The following CASK variants were observed in gnomAD, a reference collection of about 807,000 sequenced individuals.
The protein encoded by CASK is peripheral plasma membrane protein CASK.
A neutral mutation model predicts 82.9 loss-of-function variants in CASK; 4 were observed. The observed-to-expected ratio is 0.05, with a 90% CI of 0.02 to 0.11. The LOEUF (loss-of-function observed/expected upper bound fraction) is 0.11, where lower values mean the gene tolerates loss of function less well. Among genes scored for constraint, CASK ranks in the 10% least tolerant of loss-of-function variants. The pLI, the probability that CASK is intolerant of heterozygous loss-of-function variation, is 1.00. For missense variants in CASK, 358 were observed against 720.9 expected (o/e 0.50, Z 5.76); for synonymous variants, 259 against 253.5 (o/e 1.02, Z -0.20).
At chrX:41,598,218 G>A (rs2065848856) in intron 12 of CASK, among the ~76,000 whole-genome samples, 1 of 111,583 alleles carries the variant, frequency 9.0e-6, no homozygotes, top group African/African-American at 3.3e-5. Context: ...CAAGCTTGGA[G>A]AAGAGCAGTG....
intron 25 of CASK, among the ~76,000 whole-genome samples, chrX:41,529,847 G>A (rs923366939): frequency 3.6e-5 from 4 of 112,018 alleles, no homozygotes; most frequent in Admixed American, 1.9e-4. Flanking sequence ...TGTTGTAAAC[G>A]GAAATGGGTG....
At chrX:41,798,524 G>A (rs1288781844) in intron 2 of CASK, among the ~76,000 whole-genome samples, 1 of 112,791 alleles carries the variant, frequency 8.9e-6, no homozygotes, top group Admixed American at 9.4e-5. Flanking sequence ...GAGCAGTTAA[G>A]TAACTCATTC....
intron 3 of CASK, among the ~76,000 whole-genome samples, chrX:41,756,144 C>G (rs2068889619): frequency 8.9e-6 from 1 of 112,074 alleles, no homozygotes; most frequent in African/African-American, 3.2e-5. Flanking sequence ...GCCCCCACCT[C>G]CATGTCCACA....
chrX:41,763,516 A>G (rs1019209523), intron 3 of CASK, among the ~76,000 whole-genome samples: 4 of 110,494 alleles, frequency 3.6e-5, no homozygotes, highest in African/African-American at 1.3e-4. Context: ...TACAAAAATT[A>G]TCCGCGTGTG....
intron 5 of CASK, among the ~76,000 whole-genome samples, chrX:41,715,579 G>A (rs949662024): frequency 1.5e-4 from 16 of 106,931 alleles, no homozygotes; most frequent in East Asian, 8.8e-4. Context: ...CCGAGATTGC[G>A]CCATTGCACT....
intron 1 of CASK, among the ~76,000 whole-genome samples, chrX:41,860,711 A>G (rs1293025220): frequency 8.9e-6 from 1 of 112,431 alleles, no homozygotes; most frequent in East Asian, 2.8e-4. Flanking sequence ...ACATATGCTT[A>G]CATACATTCA....
chrX:41,872,984 A>T (rs906104242), intron 1 of CASK, among the ~76,000 whole-genome samples: 3 of 111,463 alleles, frequency 2.7e-5, no homozygotes, highest in Non-Finnish European at 5.6e-5. Flanking sequence ...ATAATCAAAT[A>T]CTTCATAGCT....
At chrX:41,629,474 A>G (rs934692559) in intron 9 of CASK, among the ~76,000 whole-genome samples, 1 of 112,227 alleles carries the variant, frequency 8.9e-6, no homozygotes, top group African/African-American at 3.2e-5. Context: ...AGAGAGGCTT[A>G]GCAACCTGTT....
intron 12 of CASK, among the ~76,000 whole-genome samples, chrX:41,598,710 G>C (rs2065857553): frequency 9.0e-6 from 1 of 111,484 alleles, no homozygotes; most frequent in Admixed American, 9.6e-5. Flanking sequence ...ACACAATTCT[G>C]TATCATTGGG....
intron 10 of CASK, among the ~76,000 whole-genome samples, chrX:41,625,649 A>C (rs992950918): frequency 1.8e-5 from 2 of 111,363 alleles, no homozygotes; most frequent in African/African-American, 6.5e-5. Context: ...CATGCACACC[A>C]CTGCACTGGC....
At chrX:41,568,418 A>G (rs1439017153) in intron 16 of CASK, among the ~76,000 whole-genome samples, 1 of 110,819 alleles carries the variant, frequency 9.0e-6, no homozygotes, top group African/African-American at 3.3e-5. Flanking sequence ...AGCAGCAATG[A>G]TGCCAGACAT....
chrX:41,724,301 T>A (rs2068217452), intron 5 of CASK: 1 of 112,698 alleles, frequency 8.9e-6, no homozygotes, highest in South Asian at 3.6e-4. Flanking sequence ...TAAGAGTGAT[T>A]ATTATTCATT....
chrX:41,793,531 G>A (rs1404769441), intron 2 of CASK, among the ~76,000 whole-genome samples: 1 of 111,865 alleles, frequency 8.9e-6, no homozygotes, highest in Non-Finnish European at 1.9e-5. Flanking sequence ...ACTAGATACT[G>A]CGCTTTTCCT....
chrX:41,547,463 T>C (rs1466467781), intron 21 of CASK, among the ~76,000 whole-genome samples: 1 of 111,273 alleles, frequency 9.0e-6, no homozygotes. Context: ...TTCCTGCAAA[T>C]AGGTAATAAA....
intron 9 of CASK, among the ~76,000 whole-genome samples, chrX:41,631,578 C>T (rs764905888): frequency 2.7e-5 from 3 of 111,400 alleles, no homozygotes; most frequent in South Asian, 7.7e-4. Flanking sequence ...AAGCAATTCT[C>T]CTGCCTCAGC....
rs183337994 is a variant in CASK, at chrX:41,682,300, C to T, written c.430-10770G>A. ...AGGTGTGGTGGCTCATGCCTATAAT[C>T]CCAGTACTCTGGGAGGCTGCGGTGG... is the stretch of plus-strand genomic sequence containing the variant. On this transcript the variant is annotated intron_variant, in intron 5 of 26. Coordinates refer to ENST00000378163, the MANE Select transcript of CASK (RefSeq NM_001367721.1). Among the ~76,000 whole-genome samples the T allele has an allele frequency of 9.1e-5, 10 of 109,472 alleles. No homozygotes were observed. The East Asian group carries it at 1.7e-3, about 19-fold the overall frequency.
At chrX:41,611,274 T>C (rs2066039974) in intron 11 of CASK, among the ~76,000 whole-genome samples, 1 of 111,642 alleles carries the variant, frequency 9.0e-6, no homozygotes, top group Non-Finnish European at 1.9e-5. Context: ...ACTTAGACCT[T>C]ATCCATTCTC....
At chrX:41,770,198 CTTG>C (rs778022220) in intron 3 of CASK, among the ~76,000 whole-genome samples, 10 of 107,553 alleles carry the variant, frequency 9.3e-5, no homozygotes, top group Non-Finnish European at 1.7e-4. Context: ...AAAAGCTGAG[CTTG>C]TTTTTTTTTT....
chrX:41,533,531 C>T lies in CASK; in HGVS notation c.2317+1175G>A, dbSNP rs75156790. On this transcript the variant is annotated intron_variant, in intron 24 of 26. Transcript: ENST00000378163. ...ATAACTGTAAGTGGTATTGACATTG[C>T]TTCAGGAAGGCATGTGAAGGCCCTA... 7.2e-3 allele frequency among the ~76,000 whole-genome samples: 810 copies of T among 112,647 alleles called. 19 individuals carry two copies. Among genetic ancestry groups the T allele is most frequent in the East Asian group, 0.064 (231 of 3,587 alleles).
Sources: gnomAD v4.1 joint callset for allele counts (sites outside exome capture counted in the v4.1 genomes callset) on GRCh38, gnomAD v4.1.1 for gene constraint, MANE v1.5 for transcripts, NCBI Gene and HGNC (gene_info 2026-07-23, HGNC 2026-07-21) for gene names.